FAF1: variants seen among roughly 807,000 people sequenced by gnomAD.
FAF1 encodes Fas associated factor 1.
A neutral mutation model predicts 92.5 loss-of-function variants in FAF1; 25 were observed. The observed-to-expected ratio is 0.27, with a 90% confidence interval of 0.20 to 0.38. The LOEUF (loss-of-function observed/expected upper bound fraction) is 0.38. Among genes scored for constraint, FAF1 ranks in the 10% least tolerant of loss-of-function variants. The pLI is 1.00. For synonymous variants in FAF1, 234 were observed against 273.2 expected, an observed-to-expected ratio of 0.86 and a Z score of 1.42; for missense variants, 636 against 793.3, an observed-to-expected ratio of 0.80 and a Z score of 2.38.
intron 3 of FAF1, among the ~76,000 whole-genome samples, chr1:50,794,283 C>G (rs1459741142): frequency 2.0e-5 from 3 of 152,116 alleles, no homozygotes; most frequent in African/African-American, 7.2e-5. Flanking sequence ...AAAATTTGGA[C>G]TGGGAAGAGA....
intron 8 of FAF1, among the ~76,000 whole-genome samples, chr1:50,643,516 T>C (rs1654441920): frequency 6.6e-6 from 1 of 152,192 alleles, no homozygotes; most frequent in African/African-American, 2.4e-5. Context: ...CTGTTATTTA[T>C]CCCATCCAGT....
In FAF1 at chr1:50,453,085, G is replaced by A. The variant is rs549989835; in HGVS notation, c.1870-11562C>T. Among the ~76,000 whole-genome samples the A allele has an allele frequency of 1.3e-4, 20 of 152,308 alleles. No individual in the cohort carries two copies. In the South Asian group the frequency reaches 3.1e-3, roughly 24 times the overall value. On this transcript the variant is annotated intron_variant, in intron 18 of 18. Coordinates refer to ENST00000396153, the MANE Select transcript of FAF1 (RefSeq NM_007051.3). ...GGCCTCACTTTCCCAGTTTGTACACGGTAGTGTTTCTGAGAAGGCTCCTAG... is the reference window on the plus strand; with the variant it reads ...GGCCTCACTTTCCCAGTTTGTACACAGTAGTGTTTCTGAGAAGGCTCCTAG...
chr1:50,921,482 C>T (rs571040308), intron 1 of FAF1, among the ~76,000 whole-genome samples: 1 of 152,216 alleles, frequency 6.6e-6, no homozygotes, highest in Admixed American at 6.5e-5. Context: ...ATTAAAGTGG[C>T]CAGGCATGGT....
chr1:50,599,922 A>G (rs769024135), intron 8 of FAF1, among the ~76,000 whole-genome samples: 1 of 152,228 alleles, frequency 6.6e-6, no homozygotes, highest in Non-Finnish European at 1.5e-5. Context: ...TATACCTAAC[A>G]GTTGAGCATC....
chr1:50,598,089 T>G (rs1651914704), intron 8 of FAF1, among the ~76,000 whole-genome samples: 1 of 151,768 alleles, frequency 6.6e-6, no homozygotes, highest in Non-Finnish European at 1.5e-5. Flanking sequence ...AGCTCAGGAG[T>G]TCAAGACCAG....
chr1:50,558,003 C>G (rs948926773), intron 13 of FAF1, among the ~76,000 whole-genome samples: 2 of 151,844 alleles, frequency 1.3e-5, no homozygotes, highest in Non-Finnish European at 2.9e-5. Context: ...ACCTCTGGCT[C>G]CTGGGCTCAA....
chr1:50,863,095 G>C (rs1177673968), intron 1 of FAF1, among the ~76,000 whole-genome samples: 1 of 151,952 alleles, frequency 6.6e-6, no homozygotes, highest in Non-Finnish European at 1.5e-5. Flanking sequence ...CATTCTCCAA[G>C]ATAGGTCATA....
intron 8 of FAF1, among the ~76,000 whole-genome samples, chr1:50,623,585 A>G (rs1047459788): frequency 6.6e-6 from 1 of 151,708 alleles, no homozygotes; most frequent in African/African-American, 2.4e-5. Context: ...GAAAAAAAAA[A>G]AAAGAAAGAA....
intron 7 of FAF1, among the ~76,000 whole-genome samples, chr1:50,697,442 C>T (rs1489874086): frequency 6.6e-6 from 1 of 152,144 alleles, no homozygotes; most frequent in Non-Finnish European, 1.5e-5. Flanking sequence ...GCCCCCCTAG[C>T]ATACTGAGGT....
intron 6 of FAF1, among the ~76,000 whole-genome samples, chr1:50,721,515 A>G (rs1658411786): frequency 6.6e-6 from 1 of 151,582 alleles, no homozygotes; most frequent in African/African-American, 2.4e-5. Context: ...GCCCGGCCGG[A>G]AAAAAAAATT....
At chr1:50,542,392 C>A (rs1479867536) in intron 13 of FAF1, among the ~76,000 whole-genome samples, 1 of 152,172 alleles carries the variant, frequency 6.6e-6, no homozygotes, top group Non-Finnish European at 1.5e-5. Flanking sequence ...CTCCCAAGAT[C>A]ATTTATGCAC....
chr1:50,737,321 T>C (rs12734412), intron 6 of FAF1, among the ~76,000 whole-genome samples: 5 of 152,186 alleles, frequency 3.3e-5, no homozygotes, highest in Non-Finnish European at 5.9e-5. Context: ...TTAGCCCAGG[T>C]AGACATTTTG....
chr1:50,819,992 A>G (rs2124618553), intron 2 of FAF1, among the ~76,000 whole-genome samples: 1 of 151,424 alleles, frequency 6.6e-6, no homozygotes, highest in East Asian at 1.9e-4. Flanking sequence ...GTGTTGCCCC[A>G]TTAGCTAGTA....
intron 18 of FAF1, among the ~76,000 whole-genome samples, chr1:50,466,626 A>T (rs1646499730): frequency 6.6e-6 from 1 of 152,214 alleles, no homozygotes; most frequent in Non-Finnish European, 1.5e-5. Context: ...TAAATCTGTA[A>T]ATTATGGAAT....
At chr1:50,856,625 C>G (rs1644392107) in intron 2 of FAF1, among the ~76,000 whole-genome samples, 1 of 151,648 alleles carries the variant, frequency 6.6e-6, no homozygotes, top group Non-Finnish European at 1.5e-5. Context: ...TCTGGAAGTC[C>G]ATTTGGTTAA....
chr1:50,621,124 T>TA (rs1653180824), intron 8 of FAF1, among the ~76,000 whole-genome samples: 1 of 152,222 alleles, frequency 6.6e-6, no homozygotes, highest in South Asian at 2.1e-4. Flanking sequence ...TCCATACTCC[T>TA]AAGCTACATG....
chr1:50,550,856 T>C (rs1273352556), intron 13 of FAF1, among the ~76,000 whole-genome samples: 2 of 152,218 alleles, frequency 1.3e-5, no homozygotes, highest in East Asian at 1.9e-4. Context: ...CAGGAAATCT[T>C]GAGAAGAACT....
chr1:50,449,941 T>TC (rs1471112727), intron 18 of FAF1, among the ~76,000 whole-genome samples: 1 of 151,714 alleles, frequency 6.6e-6, no homozygotes, highest in Non-Finnish European at 1.5e-5. Flanking sequence ...ATGCCTGTAA[T>TC]CCCAGCACTT....
chr1:50,544,347 G>C (rs958759587), intron 13 of FAF1, among the ~76,000 whole-genome samples: 3 of 152,066 alleles, frequency 2.0e-5, no homozygotes, highest in Admixed American at 1.3e-4. Context: ...TATTTAAAAG[G>C]CAAGTTCCTC....
Sources: gnomAD v4.1 joint callset for allele counts (sites outside exome capture counted in the v4.1 genomes callset) on GRCh38, gnomAD v4.1.1 for gene constraint, MANE v1.5 for transcripts, NCBI Gene and HGNC (gene_info 2026-07-23, HGNC 2026-07-21) for gene names.